Variants in MKLN1 observed in about 807,000 individuals in gnomAD.
MKLN1 encodes muskelin.
In MKLN1, 18 loss-of-function variants were observed where a neutral mutation model predicts 99.0. That is an observed-to-expected ratio of 0.18 (90% CI 0.13 to 0.27). The LOEUF is 0.27. Ranked by LOEUF, MKLN1 falls within the 10% of genes least tolerant of loss-of-function variation. The probability of loss-of-function intolerance (pLI) is 1.00; values close to 1 mark genes in which losing one functional copy is unlikely to be tolerated. For missense variants in MKLN1, 621 were observed against 875.9 expected (o/e 0.71, Z 3.67); for synonymous variants, 288 against 293.2 (o/e 0.98, Z 0.18).
intron 7 of MKLN1, 68 bp from the exon 8 acceptor site, chr7:131,414,577 G>T: frequency 4.6e-6 from 5 of 1,098,824 alleles, no homozygotes; most frequent in South Asian, 1.4e-5. Flanking sequence ...ACAGACTTAT[G>T]AATAAATTTA....
At chr7:131,347,092 C>A (rs1799584319) in intron 1 of MKLN1, among the ~76,000 whole-genome samples, 1 of 152,158 alleles carries the variant, frequency 6.6e-6, no homozygotes, top group Non-Finnish European at 1.5e-5. Context: ...GTGGGATCTT[C>A]TAGTGCATGG....
intron 3 of MKLN1, among the ~76,000 whole-genome samples, chr7:131,317,197 GAC>G (rs546719351): frequency 1.1e-4 from 17 of 152,132 alleles, no homozygotes; most frequent in Non-Finnish European, 2.2e-4. Flanking sequence ...GTTAAGGGCA[GAC>G]ACAGAGAAAG....
At chr7:131,438,574 A>C (rs954975251) in intron 10 of MKLN1, among the ~76,000 whole-genome samples, 1 of 151,274 alleles carries the variant, frequency 6.6e-6, no homozygotes, top group Non-Finnish European at 1.5e-5. Flanking sequence ...ATTAATATAC[A>C]TGTAGCTCTC....
chr7:131,370,388 G>T, intron 1 of MKLN1, among the ~76,000 whole-genome samples: 1 of 146,944 alleles, frequency 6.8e-6, no homozygotes, highest in Non-Finnish European at 1.5e-5. Flanking sequence ...TTTTTTTAAG[G>T]AATCTTTTTT....
At chr7:131,201,481 T>C (rs577862331) in intron 2 of MKLN1, among the ~76,000 whole-genome samples, 1 of 152,346 alleles carries the variant, frequency 6.6e-6, no homozygotes, top group Admixed American at 6.5e-5. Flanking sequence ...TAGCAGTCTA[T>C]AGTGAAGAAT....
rs1796013888 is a variant in MKLN1, at chr7:131,159,337, T to C, written c.-297+16396T>C. Among the ~76,000 whole-genome samples the C allele has an allele frequency of 1.3e-5, 2 of 151,182 alleles. 1 individual carries two copies. The highest frequency in any genetic ancestry group is 4.2e-4 in the South Asian group (2 of 4,814). ...GATGAATGGATAAAGAAAATGTGGA[T>C]ACACACACACACACACAGACACACA... On this transcript the variant is annotated intron_variant, in intron 2 of 7. Transcript: ENST00000416992.
intron 12 of MKLN1, among the ~76,000 whole-genome samples, chr7:131,453,667 G>A (rs1402572566): frequency 1.3e-5 from 2 of 151,752 alleles, no homozygotes; most frequent in Non-Finnish European, 2.9e-5. Context: ...TAATAATCTA[G>A]GATTAAGAGA....
intron 3 of MKLN1, among the ~76,000 whole-genome samples, chr7:131,264,931 C>T (rs533602592): frequency 2.8e-4 from 43 of 152,194 alleles, no homozygotes; most frequent in South Asian, 1.0e-3. Flanking sequence ...CTCCGTCTCC[C>T]GGGTTCAAGC....
chr7:131,303,478 T>C (rs1465709553), intron 3 of MKLN1, among the ~76,000 whole-genome samples: 4 of 152,236 alleles, frequency 2.6e-5, no homozygotes, highest in African/African-American at 9.6e-5. Flanking sequence ...TTTTGTTTGT[T>C]CGTTTTGGCA....
chr7:131,245,425 G>A (rs1797472010), intron 3 of MKLN1, among the ~76,000 whole-genome samples: 2 of 151,886 alleles, frequency 1.3e-5, no homozygotes, highest in Non-Finnish European at 1.5e-5. Context: ...CCACAACCAC[G>A]CCCAGCTAAT....
At chr7:131,429,459 A>G (rs1795458619) in intron 9 of MKLN1, among the ~76,000 whole-genome samples, 1 of 151,658 alleles carries the variant, frequency 6.6e-6, no homozygotes, top group South Asian at 2.1e-4. Context: ...TGTCTCCACT[A>G]CCTCTATTCT....
chr7:131,463,818 C>T (rs1182565741), intron 13 of MKLN1, among the ~76,000 whole-genome samples: 4 of 152,192 alleles, frequency 2.6e-5, no homozygotes, highest in Admixed American at 2.6e-4. Context: ...AACATGGATC[C>T]AGCTCTGACA....
chr7:131,256,626 A>G (rs1387959607), intron 3 of MKLN1, among the ~76,000 whole-genome samples: 3 of 152,248 alleles, frequency 2.0e-5, no homozygotes, highest in African/African-American at 7.2e-5. Flanking sequence ...CGGTACATCT[A>G]TGAGAAAAGA....
At chr7:131,307,000 C>A (rs1169585819) in intron 3 of MKLN1, among the ~76,000 whole-genome samples, 1 of 152,150 alleles carries the variant, frequency 6.6e-6, no homozygotes, top group Non-Finnish European at 1.5e-5. Flanking sequence ...CCCCACTACT[C>A]TGCAGGCTTG....
At chr7:131,460,555 C>G (rs1386896729) in intron 12 of MKLN1, among the ~76,000 whole-genome samples, 1 of 152,222 alleles carries the variant, frequency 6.6e-6, no homozygotes, top group Non-Finnish European at 1.5e-5. Context: ...TGCTCTCATT[C>G]TTATTTACGC....
intron 3 of MKLN1, among the ~76,000 whole-genome samples, chr7:131,207,876 C>A (rs1187799271): frequency 6.6e-6 from 1 of 152,102 alleles, no homozygotes; most frequent in Non-Finnish European, 1.5e-5. Context: ...ATGGTTTTAG[C>A]CTTTGGAAAG....
chr7:131,442,581 G>A (rs1795870557), intron 10 of MKLN1, among the ~76,000 whole-genome samples: 1 of 152,078 alleles, frequency 6.6e-6, no homozygotes, highest in Non-Finnish European at 1.5e-5. Context: ...ATAGCCTTTT[G>A]TTTAAAAAAA....
At chr7:131,360,402 T>A (rs1388217458) in intron 1 of MKLN1, among the ~76,000 whole-genome samples, 1 of 152,210 alleles carries the variant, frequency 6.6e-6, no homozygotes, top group Non-Finnish European at 1.5e-5. Flanking sequence ...TGATTTAAAA[T>A]GGACATTGAT....
At chr7:131,149,532 C>G (rs1795860094) in intron 2 of MKLN1, among the ~76,000 whole-genome samples, 1 of 152,206 alleles carries the variant, frequency 6.6e-6, no homozygotes, top group South Asian at 2.1e-4. Flanking sequence ...TAGCCATATT[C>G]ATATAAACAT....
Sources: allele counts gnomAD v4.1 joint callset (sites outside exome capture counted in the v4.1 genomes callset), GRCh38; gene constraint gnomAD v4.1.1; transcripts MANE v1.5; gene names NCBI Gene and HGNC (gene_info 2026-07-23, HGNC 2026-07-21).